RTL4: variants seen among roughly 807,000 people sequenced by gnomAD.
RTL4 encodes retrotransposon Gag-like protein 4.
In RTL4, 4 loss-of-function variants were observed where a neutral mutation model predicts 5.3. The ratio of observed to expected loss-of-function variants is 0.75; its 90% CI spans 0.37 to 1.72. RTL4 has a LOEUF of 1.72. Among genes scored for constraint, RTL4 ranks in the 40% most tolerant of loss-of-function variants. RTL4 has a pLI of 0.04. For missense variants in RTL4, 260 were observed against 227.1 expected (o/e 1.14, Z -0.93); for synonymous variants, 98 against 87.3 (o/e 1.12, Z -0.68).
At chrX:112,226,668 G>A in the RTL4 span, among the ~76,000 whole-genome samples, 1 of 110,064 alleles carries the variant, frequency 9.1e-6, no homozygotes, top group Non-Finnish European at 1.9e-5. Flanking sequence ...TATGGGAAGT[G>A]CCAGGCACTC....
At chrX:112,268,354 A>G in the RTL4 span, among the ~76,000 whole-genome samples, 4 of 112,308 alleles carry the variant, frequency 3.6e-5, no homozygotes, top group Non-Finnish European at 5.6e-5. Context: ...ACACGAATGT[A>G]TGATAAATAA....
chrX:112,263,273 G>C, the RTL4 span, among the ~76,000 whole-genome samples: 187 of 110,273 alleles, frequency 1.7e-3, 1 homozygote, highest in African/African-American at 5.8e-3. Flanking sequence ...TGAGGCCCCA[G>C]GTTCAGAGGT....
At chrX:112,084,930 C>T in the RTL4 span, among the ~76,000 whole-genome samples, 1 of 112,386 alleles carries the variant, frequency 8.9e-6, no homozygotes, top group East Asian at 2.8e-4. Flanking sequence ...TGTTTCTGCC[C>T]TATCCTTCTA....
At chrX:112,390,149 ATATATATATATT>A in the RTL4 span, among the ~76,000 whole-genome samples, 51 of 53,007 alleles carry the variant, frequency 9.6e-4, no homozygotes, top group Non-Finnish European at 1.2e-3. Flanking sequence ...ATATATATAT[ATATATATATATT>A]TAGGATCGTG....
At chrX:112,389,913 G>T in the RTL4 span, among the ~76,000 whole-genome samples, 1 of 102,941 alleles carries the variant, frequency 9.7e-6, no homozygotes. Context: ...AGGTCCATCA[G>T]ATCCATTTTG....
chrX:112,385,272 A>G, the RTL4 span, among the ~76,000 whole-genome samples: 1 of 110,532 alleles, frequency 9.0e-6, no homozygotes, highest in Non-Finnish European at 1.9e-5. Flanking sequence ...TGTCTAACCT[A>G]TGATCCCCAG....
the RTL4 span, among the ~76,000 whole-genome samples, chrX:112,084,167 A>T: frequency 9.0e-6 from 1 of 111,022 alleles, no homozygotes; most frequent in Non-Finnish European, 1.9e-5. Flanking sequence ...GAGTGTTTTC[A>T]TTGCGGAGCC....
the RTL4 span, among the ~76,000 whole-genome samples, chrX:112,104,650 G>T: frequency 1.8e-5 from 2 of 111,729 alleles, no homozygotes; most frequent in Non-Finnish European, 3.8e-5. Context: ...AATGATTAGT[G>T]ACTTTGAGCA....
At chrX:112,423,801 A>G in the RTL4 span, among the ~76,000 whole-genome samples, 2 of 112,022 alleles carry the variant, frequency 1.8e-5, no homozygotes, top group Admixed American at 1.9e-4. Context: ...TATGTGGTTT[A>G]TCTTCCCTGG....
At chrX:112,414,297 C>T in the RTL4 span, among the ~76,000 whole-genome samples, 1 of 111,446 alleles carries the variant, frequency 9.0e-6, no homozygotes, top group Non-Finnish European at 1.9e-5. Flanking sequence ...TATTTGTCTA[C>T]AAATTATTTT....
At chrX:112,325,617 G>A in the RTL4 span, among the ~76,000 whole-genome samples, 2 of 112,001 alleles carry the variant, frequency 1.8e-5, no homozygotes, top group African/African-American at 6.5e-5. Flanking sequence ...GCTGAAACTG[G>A]ATCCCTTCCT....
At chrX:112,294,235 C>T in the RTL4 span, among the ~76,000 whole-genome samples, 1 of 111,947 alleles carries the variant, frequency 8.9e-6, no homozygotes, top group Non-Finnish European at 1.9e-5. Context: ...GGATCCACAA[C>T]ATAGGCAGAG....
chrX:112,397,474 T>G, the RTL4 span, among the ~76,000 whole-genome samples: 1 of 111,645 alleles, frequency 9.0e-6, no homozygotes, highest in East Asian at 2.8e-4. Context: ...ATGATTCTTC[T>G]TGATCACATT....
chrX:112,340,865 C>T, the RTL4 span, among the ~76,000 whole-genome samples: 9 of 110,329 alleles, frequency 8.2e-5, no homozygotes, highest in Admixed American at 8.7e-4. Context: ...TATAGGTATG[C>T]ACCACCACGC....
At chrX:112,401,987 T>C in the RTL4 span, among the ~76,000 whole-genome samples, 1 of 111,907 alleles carries the variant, frequency 8.9e-6, no homozygotes, top group Non-Finnish European at 1.9e-5. Context: ...GACCGGTTTT[T>C]CCCTATTGTC....
the RTL4 span, among the ~76,000 whole-genome samples, chrX:112,437,293 A>T: frequency 8.9e-6 from 1 of 111,939 alleles, no homozygotes; most frequent in Admixed American, 9.5e-5. Context: ...ATAATTAGTT[A>T]AGAATATAGA....
the RTL4 span, among the ~76,000 whole-genome samples, chrX:112,368,511 C>G: frequency 9.0e-6 from 1 of 111,154 alleles, no homozygotes; most frequent in Admixed American, 9.5e-5. Context: ...TTGACCCCCA[C>G]CCCTACCCAG....
the RTL4 span, among the ~76,000 whole-genome samples, chrX:112,305,044 C>T: frequency 1.8e-5 from 2 of 110,938 alleles, no homozygotes; most frequent in Admixed American, 9.7e-5. Flanking sequence ...GCTTATGGAT[C>T]TCGGCTGGGT....
chrX:112,187,794 G>A, the RTL4 span, among the ~76,000 whole-genome samples: 274 of 111,752 alleles, frequency 2.5e-3, 1 homozygote, highest in African/African-American at 8.7e-3. Flanking sequence ...GATATGGAAG[G>A]GACTGGATGA....
Sources: gnomAD v4.1 joint callset for allele counts (sites outside exome capture counted in the v4.1 genomes callset) on GRCh38, gnomAD v4.1.1 for gene constraint, MANE v1.5 for transcripts, NCBI Gene and HGNC (gene_info 2026-07-23, HGNC 2026-07-21) for gene names.